The following RNLS variants were observed in gnomAD, a reference collection of about 807,000 sequenced individuals.
The protein encoded by RNLS is renalase.
Under a neutral mutation model 39.8 loss-of-function variants are expected in RNLS, and 39 were observed. That is an observed-to-expected ratio of 0.98 (90% CI 0.76 to 1.28). RNLS has a LOEUF of 1.28. RNLS is among the 50% of genes most tolerant of loss of function. RNLS has a pLI of 0.00. For synonymous variants in RNLS, 147 were observed against 150.7 expected, an observed-to-expected ratio of 0.98 and a Z score of 0.18; for missense variants, 410 against 413.3, an observed-to-expected ratio of 0.99 and a Z score of 0.07.
At chr10:88,256,172 A>C in the RNLS span, among the ~76,000 whole-genome samples, 1 of 151,996 alleles carries the variant, frequency 6.6e-6, no homozygotes, top group African/African-American at 2.4e-5. Context: ...GTGGCAACTC[A>C]GAAAGCTATT....
intron 6 of RNLS, among the ~76,000 whole-genome samples, chr10:88,297,580 G>A (rs1820671434): frequency 6.6e-6 from 1 of 152,112 alleles, no homozygotes. Flanking sequence ...TCATATGAAT[G>A]GAATCATTCA....
At chr10:88,481,618 C>T (rs1049090510) in intron 4 of RNLS, among the ~76,000 whole-genome samples, 1 of 152,050 alleles carries the variant, frequency 6.6e-6, no homozygotes, top group African/African-American at 2.4e-5. Context: ...TGCAGTATTA[C>T]TGTCATATAA....
intron 4 of RNLS, among the ~76,000 whole-genome samples, chr10:88,499,791 C>T (rs543078734): frequency 4.6e-5 from 7 of 152,248 alleles, no homozygotes; most frequent in South Asian, 2.1e-4. Context: ...TGTCTTCATA[C>T]GCTTGTGCCC....
chr10:88,466,726 A>T (rs1202518009), intron 4 of RNLS, among the ~76,000 whole-genome samples: 1 of 152,162 alleles, frequency 6.6e-6, no homozygotes, highest in Admixed American at 6.6e-5. Context: ...AAATTCAAAG[A>T]GTCCTCCAAA....
chr10:88,284,310 G>A lies in RNLS; in HGVS notation c.*1044C>T, dbSNP rs1430822091. On this transcript the variant is annotated 3_prime_UTR_variant, in exon 7 of 7. Transcript: ENST00000331772. ...TGAACTTTTGTTAGTTTGAGAGGCT[G>A]CAATGATTTTTCTCCTTTCAAAATG... is the stretch of plus-strand genomic sequence containing the variant. 24 of 985,176 alleles carry A rather than the reference G, an allele frequency of 2.4e-5. No individual in the cohort carries two copies. Among genetic ancestry groups the A allele is most frequent in the Non-Finnish European group, 2.8e-5 (23 of 829,872 alleles). The allele number at this position is 985,176 out of a possible 1,614,324, so 61.0% of individuals were successfully genotyped here.
At chr10:88,442,455 C>A (rs1364863053) in intron 4 of RNLS, among the ~76,000 whole-genome samples, 1 of 152,180 alleles carries the variant, frequency 6.6e-6, no homozygotes, top group Admixed American at 6.5e-5. Context: ...TTCAACACCT[C>A]CACTTTTGTT....
intron 4 of RNLS, among the ~76,000 whole-genome samples, chr10:88,495,883 GGT>G (rs1431104007): frequency 6.6e-6 from 1 of 152,102 alleles, no homozygotes; most frequent in Non-Finnish European, 1.5e-5. Flanking sequence ...GTGAGTGTCA[GGT>G]GTCGGCTTCA....
At chr10:88,304,050 A>G (rs1380738067) in intron 6 of RNLS, among the ~76,000 whole-genome samples, 1 of 152,234 alleles carries the variant, frequency 6.6e-6, no homozygotes, top group Non-Finnish European at 1.5e-5. Flanking sequence ...CAAGTCTTGC[A>G]GAGTTACAGC....
intron 4 of RNLS, among the ~76,000 whole-genome samples, chr10:88,542,446 C>T (rs763620416): frequency 6.6e-6 from 1 of 152,152 alleles, no homozygotes; most frequent in Non-Finnish European, 1.5e-5. Flanking sequence ...GATGGGGGAG[C>T]ACATTCACAA....
chr10:88,323,452 T>C (rs919883192), intron 5 of RNLS, among the ~76,000 whole-genome samples: 3 of 151,996 alleles, frequency 2.0e-5, no homozygotes, highest in African/African-American at 7.2e-5. Context: ...TAAATCCATA[T>C]ACCTACAACT....
At chr10:88,575,153 TATATATAC>T (rs1383042390) in intron 3 of RNLS, among the ~76,000 whole-genome samples, 41 of 52,286 alleles carry the variant, frequency 7.8e-4, no homozygotes, top group African/African-American at 2.8e-3. Flanking sequence ...TATATATATA[TATATATAC>T]ACACACACAC....
At chr10:88,299,400 A>C (rs958561154) in intron 6 of RNLS, among the ~76,000 whole-genome samples, 6 of 152,188 alleles carry the variant, frequency 3.9e-5, no homozygotes, top group African/African-American at 1.4e-4. Context: ...AGACAGGCGG[A>C]TCACTTGAGG....
At chr10:88,460,756 T>C (rs1198665562) in intron 4 of RNLS, among the ~76,000 whole-genome samples, 3 of 152,182 alleles carry the variant, frequency 2.0e-5, no homozygotes, top group Non-Finnish European at 4.4e-5. Context: ...TATTTCCCAC[T>C]TTCCCTCTGA....
chr10:88,500,468 C>A (rs945994710), intron 4 of RNLS, among the ~76,000 whole-genome samples: 4 of 152,100 alleles, frequency 2.6e-5, no homozygotes, highest in African/African-American at 7.2e-5. Context: ...TTTAGGAACA[C>A]GTGATGGGGT....
At chr10:88,499,104 T>C (rs1299611118) in intron 4 of RNLS, among the ~76,000 whole-genome samples, 1 of 152,136 alleles carries the variant, frequency 6.6e-6, no homozygotes, top group African/African-American at 2.4e-5. Context: ...GTCCTTAGTC[T>C]TAGAAGATCA....
chr10:88,325,085 G>A (rs1055971504), intron 5 of RNLS, among the ~76,000 whole-genome samples: 1 of 152,116 alleles, frequency 6.6e-6, no homozygotes, highest in Non-Finnish European at 1.5e-5. Context: ...TTTAGCTATT[G>A]TAAATGATGC....
chr10:88,489,489 A>G (rs978715865), intron 4 of RNLS, among the ~76,000 whole-genome samples: 6 of 152,222 alleles, frequency 3.9e-5, no homozygotes, highest in African/African-American at 1.4e-4. Context: ...TGAGGCTGGT[A>G]TGAATACTAG....
the RNLS span, among the ~76,000 whole-genome samples, chr10:88,253,966 T>C: frequency 6.6e-6 from 1 of 152,352 alleles, no homozygotes; most frequent in East Asian, 1.9e-4. Flanking sequence ...GCATTAAAAA[T>C]TCACCACCAT....
intron 4 of RNLS, among the ~76,000 whole-genome samples, chr10:88,471,969 A>G (rs1843558474): frequency 6.6e-6 from 1 of 152,146 alleles, no homozygotes; most frequent in African/African-American, 2.4e-5. Context: ...AGTCTTCACC[A>G]TAAATCACAT....
Sources: gnomAD v4.1 joint callset for allele counts (sites outside exome capture counted in the v4.1 genomes callset) on GRCh38, gnomAD v4.1.1 for gene constraint, MANE v1.5 for transcripts, NCBI Gene and HGNC (gene_info 2026-07-23, HGNC 2026-07-21) for gene names.